SPMIP2: variants seen among roughly 807,000 people sequenced by gnomAD.
SPMIP2 encodes protein SPMIP2.
chr4:158,898,167 T>C, the SPMIP2 span, among the ~76,000 whole-genome samples: 1 of 152,186 alleles, frequency 6.6e-6, no homozygotes, highest in Admixed American at 6.5e-5. Context: ...GTGGTATTTC[T>C]GAGGCCTCAG....
At chr4:159,037,167 C>G in the SPMIP2 span, among the ~76,000 whole-genome samples, 3 of 152,160 alleles carry the variant, frequency 2.0e-5, no homozygotes, top group South Asian at 6.2e-4. Context: ...GAGACTGTTA[C>G]AAACTTTAAT....
At chr4:158,908,930 T>G in the SPMIP2 span, among the ~76,000 whole-genome samples, 2 of 152,118 alleles carry the variant, frequency 1.3e-5, no homozygotes, top group African/African-American at 4.8e-5. Flanking sequence ...TCAGGAGATC[T>G]GCCCACCTCA....
the SPMIP2 span, among the ~76,000 whole-genome samples, chr4:158,894,376 T>G: frequency 3.3e-5 from 5 of 152,062 alleles, no homozygotes; most frequent in African/African-American, 1.2e-4. Context: ...CTCACTATGT[T>G]GCCTAGGTTG....
At chr4:158,933,557 G>A in the SPMIP2 span, among the ~76,000 whole-genome samples, 1 of 152,288 alleles carries the variant, frequency 6.6e-6, no homozygotes, top group East Asian at 1.9e-4. Context: ...CCAGCCAACA[G>A]CAAGCTCTTT....
At chr4:159,046,231 G>GAAA in the SPMIP2 span, among the ~76,000 whole-genome samples, 27 of 131,398 alleles carry the variant, frequency 2.1e-4, no homozygotes, top group Admixed American at 3.1e-4. Flanking sequence ...CCTGTCTCAA[G>GAAA]AAAAAAAAAA....
At chr4:159,014,391 TGCAGTGAGCTGAGGTC>T in the SPMIP2 span, among the ~76,000 whole-genome samples, 1 of 152,052 alleles carries the variant, frequency 6.6e-6, no homozygotes, top group Non-Finnish European at 1.5e-5. Context: ...AGGCAGAGGT[TGCAGTGAGCTGAGGTC>T]GCACCACCGC....
chr4:158,953,947 G>C, the SPMIP2 span, among the ~76,000 whole-genome samples: 2 of 152,324 alleles, frequency 1.3e-5, no homozygotes, highest in East Asian at 3.9e-4. Flanking sequence ...GAAGTAACTA[G>C]CTTGCTTTTG....
the SPMIP2 span, among the ~76,000 whole-genome samples, chr4:159,052,305 A>C: frequency 6.6e-6 from 1 of 152,162 alleles, no homozygotes; most frequent in African/African-American, 2.4e-5. Context: ...CTGGACCTAC[A>C]TTCCTGCATG....
chr4:159,058,562 A>C, the SPMIP2 span, among the ~76,000 whole-genome samples: 1 of 152,172 alleles, frequency 6.6e-6, no homozygotes, highest in African/African-American at 2.4e-5. Context: ...CATCTGTCTG[A>C]ATAGGTTTAA....
At chr4:158,940,010 G>A in the SPMIP2 span, among the ~76,000 whole-genome samples, 2 of 152,188 alleles carry the variant, frequency 1.3e-5, no homozygotes, top group South Asian at 4.1e-4. Flanking sequence ...CAGGGGGCAA[G>A]ACTACTGTAT....
the SPMIP2 span, among the ~76,000 whole-genome samples, chr4:159,030,273 G>A: frequency 6.6e-6 from 1 of 151,988 alleles, no homozygotes; most frequent in African/African-American, 2.4e-5. Context: ...TTAACCAGGA[G>A]TGATGGTACA....
At chr4:159,074,503 G>A in the SPMIP2 span, among the ~76,000 whole-genome samples, 9 of 152,196 alleles carry the variant, frequency 5.9e-5, no homozygotes, top group Non-Finnish European at 1.3e-4. Flanking sequence ...TTCAAGAAGA[G>A]GACAAGCCAC....
chr4:159,004,557 C>T, the SPMIP2 span, among the ~76,000 whole-genome samples: 14 of 152,160 alleles, frequency 9.2e-5, no homozygotes, highest in Non-Finnish European at 1.9e-4. Context: ...TCCCAAAGTG[C>T]TGGGATTACA....
chr4:158,908,902 A>C, the SPMIP2 span, among the ~76,000 whole-genome samples: 5 of 152,238 alleles, frequency 3.3e-5, no homozygotes, highest in East Asian at 1.9e-4. Flanking sequence ...TAGCCAGGCT[A>C]GTCTTGAACT....
the SPMIP2 span, among the ~76,000 whole-genome samples, chr4:159,068,538 A>G: frequency 6.6e-6 from 1 of 151,954 alleles, no homozygotes; most frequent in African/African-American, 2.4e-5. Flanking sequence ...GAGGGATAGC[A>G]TTTGGAGATA....
chr4:158,968,331 A>T, the SPMIP2 span, among the ~76,000 whole-genome samples: 49,985 of 152,008 alleles, frequency 0.33, 8,428 homozygotes, highest in South Asian at 0.44. Flanking sequence ...GTCCGGCCTC[A>T]ACTATTTATT....
At chr4:159,004,890 C>G in the SPMIP2 span, among the ~76,000 whole-genome samples, 1 of 152,052 alleles carries the variant, frequency 6.6e-6, no homozygotes, top group African/African-American at 2.4e-5. Flanking sequence ...GAGTTTTGCT[C>G]TTGTTGCCCA....
chr4:159,023,862 T>C, the SPMIP2 span, among the ~76,000 whole-genome samples: 2 of 152,172 alleles, frequency 1.3e-5, no homozygotes, highest in African/African-American at 4.8e-5. Flanking sequence ...CCAGAGAAGG[T>C]CACCTGACTG....
chr4:159,028,803 T>G, the SPMIP2 span, among the ~76,000 whole-genome samples: 3 of 152,136 alleles, frequency 2.0e-5, no homozygotes, highest in Non-Finnish European at 2.9e-5. Context: ...AATACAAAAA[T>G]AACATTTTCT....
Sources: gnomAD v4.1 joint callset for allele counts (sites outside exome capture counted in the v4.1 genomes callset) on GRCh38, gnomAD v4.1.1 for gene constraint, MANE v1.5 for transcripts, NCBI Gene and HGNC (gene_info 2026-07-23, HGNC 2026-07-21) for gene names.